Variants in SETBP1 observed in about 807,000 individuals in gnomAD.
The protein encoded by SETBP1 is SET-binding protein.
SETBP1 carries 9 observed loss-of-function variants against 101.0 expected under a neutral mutation model. The observed-to-expected ratio is 0.09, with a 90% confidence interval of 0.05 to 0.16. The LOEUF is 0.16. Ranked by LOEUF, SETBP1 falls within the 10% of genes least tolerant of loss-of-function variation. The pLI is 1.00. For synonymous variants in SETBP1, 818 were observed against 788.5 expected (o/e 1.04, Z -0.63); for missense variants, 1,858 against 2,033.8 (o/e 0.91, Z 1.66).
rs548091947 is a variant in SETBP1 at position 44,866,664 on chromosome 18, A to G, written c.487-2566A>G. Reference sequence around the variant, plus strand: ...TCTGGAGAATTTGAGCACTGGTTCCAATATACTAACACATGTTGGTGGGCG... The same window carrying G: ...TCTGGAGAATTTGAGCACTGGTTCCGATATACTAACACATGTTGGTGGGCG... On this transcript the variant is annotated intron_variant, in intron 2 of 5. Transcript: ENST00000649279. Among the ~76,000 whole-genome samples the G allele has an allele frequency of 2.0e-3, 306 of 152,286 alleles. 3 individuals are homozygous for G. Among genetic ancestry groups the G allele is most frequent in the Middle Eastern group, 3.4e-3 (1 of 294 alleles).
chr18:44,959,352 G>A (rs2071561604), intron 4 of SETBP1, among the ~76,000 whole-genome samples: 1 of 152,188 alleles, frequency 6.6e-6, no homozygotes, highest in Admixed American at 6.5e-5. Flanking sequence ...AAAAGAACAA[G>A]TGATGAATAC....
chr18:45,016,731 G>A (rs990388450), intron 4 of SETBP1, among the ~76,000 whole-genome samples: 48 of 122,860 alleles, frequency 3.9e-4, no homozygotes, highest in Non-Finnish European at 5.7e-4. Context: ...ATTGGTGCGC[G>A]CACACACACA....
chr18:44,694,831 A>C (rs576743331), intron 1 of SETBP1, among the ~76,000 whole-genome samples: 1 of 152,356 alleles, frequency 6.6e-6, no homozygotes, highest in African/African-American at 2.4e-5. Context: ...GAACAATATC[A>C]GGAAAATTAG....
intron 2 of SETBP1, among the ~76,000 whole-genome samples, chr18:44,796,423 C>G (rs186214638): frequency 6.6e-6 from 1 of 152,220 alleles, no homozygotes; most frequent in Non-Finnish European, 1.5e-5. Context: ...TCCATCCTCA[C>G]TGAATGCACG....
At chr18:44,922,365 C>G (rs1387570593) in intron 3 of SETBP1, among the ~76,000 whole-genome samples, 1 of 152,228 alleles carries the variant, frequency 6.6e-6, no homozygotes, top group Non-Finnish European at 1.5e-5. Context: ...GAACTTGCAC[C>G]TGCAAAATTG....
At position 44,701,842 on chromosome 18, in the gene SETBP1, C is replaced by T; in HGVS notation, c.486+10C>T. Reference sequence around the variant, plus strand: ...CCACTCCAAAAAGAAGGTAGGAAGCCCTGTCTTATGGTTGTTTTTGTTTGT... The same window carrying T: ...CCACTCCAAAAAGAAGGTAGGAAGCTCTGTCTTATGGTTGTTTTTGTTTGT... On this transcript the variant is annotated intron_variant, in intron 2 of 5. Transcript: ENST00000649279. 1.2e-6 allele frequency: 2 copies of T among 1,610,980 alleles called. No homozygotes were observed. The highest frequency in any genetic ancestry group is 1.7e-6 in the Non-Finnish European group (2 of 1,179,916).
At chr18:44,876,562 T>C (rs2069407097) in intron 3 of SETBP1, 1 of 1,548,564 alleles carries the variant, frequency 6.5e-7, no homozygotes, top group Non-Finnish European at 8.7e-7. Flanking sequence ...CCTCATTTTC[T>C]AGATTAAAGA....
At chr18:44,761,078 C>T (rs182821962) in intron 2 of SETBP1, among the ~76,000 whole-genome samples, 1 of 152,282 alleles carries the variant, frequency 6.6e-6, no homozygotes, top group Admixed American at 6.5e-5. Flanking sequence ...ATTCTCACCA[C>T]AAAATCAGCC....
chr18:44,754,098 A>G (rs75260390), intron 2 of SETBP1, among the ~76,000 whole-genome samples: 3,967 of 152,322 alleles, frequency 0.026, 63 homozygotes, highest in South Asian at 0.045. Flanking sequence ...CCTCTGTTCT[A>G]TGAGACAGCT....
At chr18:44,842,765 G>A (rs1465065310) in intron 2 of SETBP1, among the ~76,000 whole-genome samples, 1 of 152,224 alleles carries the variant, frequency 6.6e-6, no homozygotes. Context: ...CACTTCTCTA[G>A]TTTTGTGGGT....
chr18:44,795,673 A>G (rs543509961), intron 2 of SETBP1, among the ~76,000 whole-genome samples: 27 of 152,360 alleles, frequency 1.8e-4, no homozygotes, highest in African/African-American at 5.5e-4. Context: ...TATACATACA[A>G]TGTTTTATGC....
chr18:44,866,340 T>C (rs1599246030), intron 2 of SETBP1, among the ~76,000 whole-genome samples: 1 of 152,248 alleles, frequency 6.6e-6, no homozygotes, highest in Non-Finnish European at 1.5e-5. Flanking sequence ...TAAGCCTGCC[T>C]CTCACACTTC....
intron 4 of SETBP1, among the ~76,000 whole-genome samples, chr18:44,997,358 T>G (rs1289013496): frequency 6.6e-6 from 1 of 152,170 alleles, no homozygotes; most frequent in African/African-American, 2.4e-5. Flanking sequence ...CCAGGCCTTA[T>G]GCTTGGCCTA....
At chr18:45,013,017 A>G (rs1362233689) in intron 4 of SETBP1, among the ~76,000 whole-genome samples, 1 of 152,222 alleles carries the variant, frequency 6.6e-6, no homozygotes, top group African/African-American at 2.4e-5. Context: ...TTGGCACTGC[A>G]GTCCTGGAAG....
intron 3 of SETBP1, among the ~76,000 whole-genome samples, chr18:44,895,317 T>G (rs1285859642): frequency 0.024 from 898 of 37,870 alleles, no homozygotes; most frequent in African/African-American, 0.027. Flanking sequence ...AGAGAGGGAG[T>G]GAAGGAAGGA....
chr18:45,048,978 C>CAAAAAAA (rs71177665), intron 5 of SETBP1, among the ~76,000 whole-genome samples: 833 of 46,644 alleles, frequency 0.018, 42 homozygotes, highest in African/African-American at 0.033. Context: ...GACTCCGTCT[C>CAAAAAAA]AAAAAAAAAA....
At chr18:44,809,963 C>T (rs950571628) in intron 2 of SETBP1, among the ~76,000 whole-genome samples, 1 of 152,224 alleles carries the variant, frequency 6.6e-6, no homozygotes, top group African/African-American at 2.4e-5. Flanking sequence ...CTTATCCCAT[C>T]TGCCCTGCAA....
chr18:44,938,958 A>ATGTGTGTG (rs111916615), intron 3 of SETBP1, among the ~76,000 whole-genome samples: 16,685 of 147,186 alleles, frequency 0.11, 1,076 homozygotes, highest in East Asian at 0.26. Context: ...GAGTGTGTGC[A>ATGTGTGTG]TGTGTGTGTG....
chr18:44,708,864 G>A (rs1212382688), intron 2 of SETBP1, among the ~76,000 whole-genome samples: 1 of 152,152 alleles, frequency 6.6e-6, no homozygotes, highest in Non-Finnish European at 1.5e-5. Context: ...TCATCAGCAG[G>A]GCAAGTGTTT....
Sources: allele counts gnomAD v4.1 joint callset (sites outside exome capture counted in the v4.1 genomes callset), GRCh38; gene constraint gnomAD v4.1.1; transcripts MANE v1.5; gene names NCBI Gene and HGNC (gene_info 2026-07-23, HGNC 2026-07-21).